SLC33A1: variants seen among roughly 807,000 people sequenced by gnomAD.
SLC33A1 encodes the protein acetyl-coenzyme A transporter 1.
In SLC33A1, 20 loss-of-function variants were observed where a neutral mutation model predicts 50.0. That is an observed-to-expected ratio of 0.40 (90% confidence interval 0.28 to 0.58). The LOEUF (loss-of-function observed/expected upper bound fraction) is 0.58, where lower values mean the gene tolerates loss of function less well. SLC33A1 is among the 20% of genes least tolerant of loss of function. The pLI is 0.44. For synonymous variants in SLC33A1, 265 were observed against 251.8 expected (o/e 1.05, Z -0.50); for missense variants, 476 against 657.0 (o/e 0.72, Z 3.01).
intron 1 of SLC33A1, among the ~76,000 whole-genome samples, chr3:155,848,842 C>T (rs940468762): frequency 3.9e-5 from 6 of 152,186 alleles, no homozygotes; most frequent in African/African-American, 1.2e-4. Flanking sequence ...TCTATCTACC[C>T]AATATATTCC....
chr3:155,831,943 C>T (rs1270338389), intron 4 of SLC33A1, among the ~76,000 whole-genome samples: 1 of 152,156 alleles, frequency 6.6e-6, no homozygotes, highest in East Asian at 1.9e-4. Flanking sequence ...CATACATTAG[C>T]AAATATAACT....
In SLC33A1 at chr3:155,833,963, A is replaced by G; in HGVS notation, c.1042T>C (p.Leu348=). ...EGVPKEHLAL[L]AVPMVPLQII... ...TGCAAAGGAACCATTGGAACTGCCA[A>G]TAAGGCTAAATGTTCTTTGGGTACT... Residue 348 remains leucine, a synonymous_variant, in exon 3 of 6, where the codon TTG becomes CTG. Coordinates refer to ENST00000643144, the MANE Select transcript of SLC33A1 (RefSeq NM_004733.4). 1 of 1,613,898 alleles carries G rather than the reference A, an allele frequency of 6.2e-7. No homozygotes were observed. Among genetic ancestry groups the G allele is most frequent in the East Asian group, 2.2e-5 (1 of 44,860 alleles).
Position 155,834,025 on chromosome 3 carries a change from G to C in SLC33A1, c.980C>G (p.Ala327Gly), listed in dbSNP as rs1249535334. The C allele has an allele frequency of 2.5e-6, 4 of 1,613,530 alleles. No homozygotes were observed. The highest frequency in any genetic ancestry group is 3.3e-5 in the Admixed American group (2 of 59,980). ...ILTAKIGFSA[A>G]DAVTGLKLVE... ...CAATTTCAGTCCTGTTACAGCATCT[G>C]CTGCTGAAAAACCAATCTGCAATAT... Residue 327 changes from alanine (A) to glycine (G), a missense_variant, in exon 3 of 6, where the codon GCA becomes GGA. Transcript: ENST00000643144.
intron 2 of SLC33A1, among the ~76,000 whole-genome samples, chr3:155,839,266 C>T (rs1328374282): frequency 7.2e-6 from 1 of 139,514 alleles, no homozygotes; most frequent in African/African-American, 2.6e-5. Flanking sequence ...CATGCCATTG[C>T]ACTCCAGCCT....
intron 4 of SLC33A1, among the ~76,000 whole-genome samples, chr3:155,832,640 C>G (rs1752488343): frequency 7.1e-6 from 1 of 140,632 alleles, no homozygotes; most frequent in Non-Finnish European, 1.5e-5. Context: ...CCAGCCTGGC[C>G]AATATGGTGA....
At chr3:155,843,888 T>C (rs1229026150) in intron 1 of SLC33A1, among the ~76,000 whole-genome samples, 2 of 152,232 alleles carry the variant, frequency 1.3e-5, no homozygotes, top group South Asian at 2.1e-4. Context: ...TAGATAACCC[T>C]GTCTCAGTTT....
At chr3:155,844,055 A>G (rs756819920) in intron 1 of SLC33A1, among the ~76,000 whole-genome samples, 10 of 152,312 alleles carry the variant, frequency 6.6e-5, no homozygotes, top group Non-Finnish European at 1.2e-4. Context: ...AAAAACAATT[A>G]GAATATTCTT....
At chr3:155,844,453 ATATATT>A (rs1462558554) in intron 1 of SLC33A1, among the ~76,000 whole-genome samples, 3 of 25,206 alleles carry the variant, frequency 1.2e-4, no homozygotes, top group Admixed American at 8.3e-4. Flanking sequence ...ATATATATAT[ATATATT>A]TTTTTTTTTT....
chr3:155,849,242 A>G (rs891231993), intron 1 of SLC33A1, among the ~76,000 whole-genome samples: 11 of 152,172 alleles, frequency 7.2e-5, no homozygotes, highest in African/African-American at 2.6e-4. Context: ...TAAAAAAAGA[A>G]AACAATTACG....
In SLC33A1 at chr3:155,833,617, A is replaced by C. The variant is rs547143496; in HGVS notation, c.1149-32T>G. Reference sequence around the variant, plus strand: ...AGAAAGAAACATTGAGTTGACTTCCATTTTAGCTTAAATAACAACAACAAC... The same window carrying C: ...AGAAAGAAACATTGAGTTGACTTCCCTTTTAGCTTAAATAACAACAACAAC... On this transcript the variant is annotated intron_variant, in intron 3 of 5. Coordinates refer to ENST00000643144, the MANE Select transcript of SLC33A1 (RefSeq NM_004733.4). 5.5e-6 allele frequency: 7 copies of C among 1,277,092 alleles called. No homozygotes were observed. In the South Asian group the frequency reaches 7.1e-5, roughly 13 times the overall value. The allele number at this position is 1,277,092 out of a possible 1,614,324, so 79.1% of individuals were successfully genotyped here.
intron 2 of SLC33A1, among the ~76,000 whole-genome samples, chr3:155,837,172 A>AAAAC (rs988123653): frequency 2.0e-5 from 3 of 151,750 alleles, no homozygotes; most frequent in Non-Finnish European, 4.4e-5. Flanking sequence ...CATCCTGGCT[A>AAAAC]GGTGAAACCC....
intron 2 of SLC33A1, among the ~76,000 whole-genome samples, chr3:155,841,710 T>A (rs543687708): frequency 6.6e-6 from 1 of 152,164 alleles, no homozygotes; most frequent in African/African-American, 2.4e-5. Flanking sequence ...AATTGACTTC[T>A]AATACTCATA....
rs139236197 is a variant in SLC33A1 at position 155,850,094 on chromosome 3, C to T, written c.775+3129G>A. On this transcript the variant is annotated intron_variant, in intron 1 of 5. Coordinates refer to ENST00000643144, the MANE Select transcript of SLC33A1 (RefSeq NM_004733.4). ...CGCGATCTCAGCTCACTGCAACCTCCGCCTCCCAGGTTGAAGCGATTCCCC... is the reference window on the plus strand; with the variant it reads ...CGCGATCTCAGCTCACTGCAACCTCTGCCTCCCAGGTTGAAGCGATTCCCC... Among the ~76,000 whole-genome samples, 573 of 151,422 alleles carry T rather than the reference C, an allele frequency of 3.8e-3. 6 individuals are homozygous for T. Among genetic ancestry groups the T allele is most frequent in the African/African-American group, 0.013 (544 of 41,272 alleles).
In SLC33A1 at chr3:155,822,862, C is replaced by T. The variant is rs560661882; in HGVS notation, c.*5348G>A. On this transcript the variant is annotated 3_prime_UTR_variant, in exon 6 of 6. Coordinates refer to ENST00000643144, the MANE Select transcript of SLC33A1 (RefSeq NM_004733.4). Reference sequence around the variant, plus strand: ...AGAGTAAAGGTGATTAGTCATAGAACTTTCTTTCTTTTTCTTTCCTTTTTA... The same window carrying T: ...AGAGTAAAGGTGATTAGTCATAGAATTTTCTTTCTTTTTCTTTCCTTTTTA... 6.6e-6 allele frequency: 1 copy of T among 152,012 alleles called. No homozygotes were observed. Among genetic ancestry groups the T allele is most frequent in the East Asian group, 1.9e-4 (1 of 5,176 alleles). 9.4% of individuals were successfully genotyped at this position (152,012 alleles called of 1,614,324 possible).
At chr3:155,851,334 C>G (rs1394863793) in intron 1 of SLC33A1, among the ~76,000 whole-genome samples, 1 of 152,048 alleles carries the variant, frequency 6.6e-6, no homozygotes, top group Non-Finnish European at 1.5e-5. Flanking sequence ...GCCACAATCT[C>G]CCGGGCTGAA....
At position 155,853,552 on chromosome 3, in the gene SLC33A1, T is replaced by C. The variant is rs762065383; in HGVS notation, c.446A>G (p.Tyr149Cys). Residue 149 changes from tyrosine (Y) to cysteine (C), a missense_variant, in exon 1 of 6, where the codon TAT becomes TGT. Transcript: ENST00000643144. ...ATAGATCATGAAGAGTCCTAGTATA[T>C]ACTGTGTCGGGACAAGCCAAGATTT... ...RRKSWLVPTQ[Y>C]ILGLFMIYLS... 2 of 1,614,160 alleles carry C rather than the reference T, an allele frequency of 1.2e-6. No homozygotes were observed. Among genetic ancestry groups the C allele is most frequent in the South Asian group, 2.2e-5 (2 of 91,088 alleles).
chr3:155,826,085 A>G lies in SLC33A1; in HGVS notation c.*2125T>C, dbSNP rs1326067153. On this transcript the variant is annotated 3_prime_UTR_variant, in exon 6 of 6. Transcript: ENST00000643144. ...ACTTCAAGTCATTAAAGATGTACTG[A>G]CATTAAAACTATGTTTGAAGGCTGG... is the stretch of plus-strand genomic sequence containing the variant. 6.6e-6 allele frequency: 1 copy of G among 152,224 alleles called. No homozygotes were observed. Among genetic ancestry groups the G allele is most frequent in the Non-Finnish European group, 1.5e-5 (1 of 68,032 alleles). 9.4% of individuals were successfully genotyped at this position (152,224 alleles called of 1,614,324 possible).
chr3:155,844,606 CA>C (rs1483002157), intron 1 of SLC33A1: 1 of 150,626 alleles, frequency 6.6e-6, no homozygotes, highest in Non-Finnish European at 1.5e-5. Context: ...GCTGAGATTA[CA>C]GGCATGTGTG....
At position 155,833,998 on chromosome 3, in the gene SLC33A1, A is replaced by C; in HGVS notation, c.1007T>G (p.Val336Gly). Residue 336 changes from valine to glycine, a missense_variant, in exon 3 of 6, where the codon GTA (valine) becomes GGA (glycine). Coordinates refer to ENST00000643144, the MANE Select transcript of SLC33A1 (RefSeq NM_004733.4). ...ATGTTCTTTGGGTACTCCCTCTTCT[A>C]CCAATTTCAGTCCTGTTACAGCATC... ...AADAVTGLKL[V>G]EEGVPKEHLA... 6.2e-7 allele frequency: 1 copy of C among 1,614,006 alleles called. No individual in the cohort carries two copies. The highest frequency in any genetic ancestry group is 1.1e-5 in the South Asian group (1 of 91,084).
Sources: gnomAD v4.1 joint callset for allele counts (sites outside exome capture counted in the v4.1 genomes callset) on GRCh38, gnomAD v4.1.1 for gene constraint, MANE v1.5 for transcripts, NCBI Gene and HGNC (gene_info 2026-07-23, HGNC 2026-07-21) for gene names.